Variants in GRID2 observed in about 807,000 individuals in gnomAD.
GRID2 encodes the protein glutamate receptor ionotropic, delta-2.
A neutral mutation model predicts 114.8 loss-of-function variants in GRID2; 33 were observed. The ratio of observed to expected loss-of-function variants is 0.29; its 90% CI spans 0.22 to 0.38. GRID2 has a LOEUF of 0.38. Among genes scored for constraint, GRID2 ranks in the 10% least tolerant of loss-of-function variants. GRID2 has a pLI of 1.00. For synonymous variants in GRID2, 505 were observed against 449.9 expected (o/e 1.12, Z -1.55); for missense variants, 1,184 against 1,257.7 (o/e 0.94, Z 0.89).
intron 8 of GRID2, among the ~76,000 whole-genome samples, chr4:93,341,906 A>C: frequency 6.6e-6 from 1 of 152,318 alleles, no homozygotes; most frequent in Admixed American, 6.5e-5. Context: ...ATATTTTTGC[A>C]AAAATTTTAA....
At chr4:92,326,791 C>A (rs1243677830) in intron 1 of GRID2, among the ~76,000 whole-genome samples, 1 of 152,030 alleles carries the variant, frequency 6.6e-6, no homozygotes, top group African/African-American at 2.4e-5. Flanking sequence ...TGCATAACTT[C>A]TCTGAGGCAC....
At chr4:92,713,374 T>G (rs1475898198) in intron 2 of GRID2, among the ~76,000 whole-genome samples, 1 of 150,428 alleles carries the variant, frequency 6.6e-6, no homozygotes. Context: ...TTTCAGTACT[T>G]TTTTAGACTT....
intron 2 of GRID2, among the ~76,000 whole-genome samples, chr4:92,647,476 A>T (rs1731709670): frequency 6.7e-6 from 1 of 149,576 alleles, no homozygotes; most frequent in Non-Finnish European, 1.5e-5. Flanking sequence ...TCATGGCTTG[A>T]ATTATGGTTT....
At chr4:92,496,247 C>G (rs1414091298) in intron 1 of GRID2, among the ~76,000 whole-genome samples, 2 of 151,860 alleles carry the variant, frequency 1.3e-5, no homozygotes, top group Admixed American at 1.3e-4. Flanking sequence ...TGTACACACT[C>G]TCCTTTACCT....
At position 92,757,824 on chromosome 4, in the gene GRID2, C is replaced by T. The variant is rs145276500; in HGVS notation, c.244+167538C>T. On this transcript the variant is annotated intron_variant, in intron 2 of 15. Coordinates refer to ENST00000282020, the MANE Select transcript of GRID2 (RefSeq NM_001510.4). Reference sequence around the variant, plus strand: ...CAGGGAGCCGTCTACATAATACTGCCGAGAAGTTACTTAAAACGATGTTAA... The same window carrying T: ...CAGGGAGCCGTCTACATAATACTGCTGAGAAGTTACTTAAAACGATGTTAA... Among the ~76,000 whole-genome samples the T allele has an allele frequency of 1.2e-3, 188 of 150,932 alleles. 1 individual carries two copies. Among genetic ancestry groups the T allele is most frequent in the African/African-American group, 4.1e-3 (167 of 41,116 alleles).
intron 2 of GRID2, chr4:92,822,282 T>C: frequency 1.7e-6 from 1 of 593,354 alleles, no homozygotes; most frequent in Non-Finnish European, 3.3e-6. Context: ...TGGCATGGCA[T>C]GGCATGGCCA....
chr4:92,351,841 T>C (rs903686488), intron 1 of GRID2, among the ~76,000 whole-genome samples: 7 of 151,900 alleles, frequency 4.6e-5, no homozygotes, highest in African/African-American at 1.2e-4. Context: ...CAGGATTTCC[T>C]CTTGTAATGA....
At chr4:93,515,908 C>CTTTA (rs1729671211) in intron 13 of GRID2, among the ~76,000 whole-genome samples, 1 of 152,164 alleles carries the variant, frequency 6.6e-6, no homozygotes, top group African/African-American at 2.4e-5. Flanking sequence ...ATGTGAAAAT[C>CTTTA]TTTATTTACA....
At chr4:93,589,294 A>G (rs1401620182) in intron 13 of GRID2, among the ~76,000 whole-genome samples, 3 of 148,388 alleles carry the variant, frequency 2.0e-5, no homozygotes, top group African/African-American at 2.5e-5. Context: ...GAGTGAGAAT[A>G]TGTGGTGTTT....
chr4:93,373,105 C>T (rs1023388436), intron 8 of GRID2, among the ~76,000 whole-genome samples: 3 of 152,122 alleles, frequency 2.0e-5, no homozygotes, highest in Non-Finnish European at 4.4e-5. Context: ...TCTTTACCTA[C>T]CTCCTTTATT....
intron 1 of GRID2, among the ~76,000 whole-genome samples, chr4:92,384,104 T>C (rs1579274317): frequency 1.3e-5 from 2 of 151,552 alleles, no homozygotes; most frequent in East Asian, 3.9e-4. Flanking sequence ...TAAAGAAATA[T>C]TCTAATTTGG....
intron 2 of GRID2, among the ~76,000 whole-genome samples, chr4:93,039,630 G>A (rs555975144): frequency 6.6e-6 from 1 of 152,176 alleles, no homozygotes; most frequent in African/African-American, 2.4e-5. Context: ...CTAACAGAGG[G>A]CAACAGTGTC....
chr4:93,175,962 G>A (rs1198581641), intron 4 of GRID2, among the ~76,000 whole-genome samples: 1 of 152,146 alleles, frequency 6.6e-6, no homozygotes, highest in Non-Finnish European at 1.5e-5. Context: ...ACAGTCATGA[G>A]AAATCTTGAG....
intron 4 of GRID2, among the ~76,000 whole-genome samples, chr4:93,126,557 T>C (rs755274045): frequency 6.6e-6 from 1 of 150,422 alleles, no homozygotes; most frequent in East Asian, 2.0e-4. Flanking sequence ...TTATCCCTGG[T>C]TGACAGTCAT....
intron 1 of GRID2, among the ~76,000 whole-genome samples, chr4:92,328,169 A>G (rs184337670): frequency 6.6e-6 from 1 of 152,176 alleles, no homozygotes; most frequent in African/African-American, 2.4e-5. Context: ...TAGAATGTCT[A>G]ACAGCTGCAT....
chr4:93,342,562 T>C (rs1403834913), intron 8 of GRID2, among the ~76,000 whole-genome samples: 1 of 152,178 alleles, frequency 6.6e-6, no homozygotes, highest in African/African-American at 2.4e-5. Context: ...ATTGATCACT[T>C]TATCCCTTGT....
chr4:92,465,203 A>G lies in GRID2; in HGVS notation c.89-124928A>G, dbSNP rs531227988. Among the ~76,000 whole-genome samples, 13 of 152,180 alleles carry G rather than the reference A, an allele frequency of 8.5e-5. 1 individual carries two copies. The South Asian group carries it at 2.7e-3, about 32-fold the overall frequency. On this transcript the variant is annotated intron_variant, in intron 1 of 15. Coordinates refer to ENST00000282020, the MANE Select transcript of GRID2 (RefSeq NM_001510.4). ...ACAGATATCAAAGCAAGTGATTCAT[A>G]AAAGTTGAGATTCCTGGGCCGAGTT...
chr4:93,093,357 T>G (rs1025594341), intron 3 of GRID2, among the ~76,000 whole-genome samples: 3 of 151,908 alleles, frequency 2.0e-5, no homozygotes, highest in Non-Finnish European at 4.4e-5. Context: ...AGGAGGGGCT[T>G]CTTCTCTTCA....
intron 7 of GRID2, among the ~76,000 whole-genome samples, chr4:93,234,950 C>T (rs768657686): frequency 2.6e-5 from 4 of 152,044 alleles, no homozygotes; most frequent in Admixed American, 1.3e-4. Context: ...TGATGTCCCA[C>T]GTGATCCTCC....
Sources: gnomAD v4.1 joint callset for allele counts (sites outside exome capture counted in the v4.1 genomes callset) on GRCh38, gnomAD v4.1.1 for gene constraint, MANE v1.5 for transcripts, NCBI Gene and HGNC (gene_info 2026-07-23, HGNC 2026-07-21) for gene names.